MGMT: variants seen among roughly 807,000 people sequenced by gnomAD.
MGMT encodes the protein methylated-DNA--protein-cysteine methyltransferase.
A neutral mutation model predicts 15.9 loss-of-function variants in MGMT; 14 were observed. The observed-to-expected ratio is 0.88, with a 90% CI of 0.58 to 1.37. MGMT has a LOEUF of 1.37. Ranked by LOEUF, MGMT falls within the 40% of genes most tolerant of loss-of-function variation. MGMT has a pLI of 0.00. For missense variants in MGMT, 282 were observed against 268.1 expected, an observed-to-expected ratio of 1.05 and a Z score of -0.36; for synonymous variants, 130 against 118.2, an observed-to-expected ratio of 1.10 and a Z score of -0.65.
chr10:129,653,743 G>A (rs1847490819), intron 2 of MGMT, among the ~76,000 whole-genome samples: 1 of 152,224 alleles, frequency 6.6e-6, no homozygotes, highest in African/African-American at 2.4e-5. Flanking sequence ...GAAGCACAGC[G>A]TGGTGGCCGT....
intron 2 of MGMT, among the ~76,000 whole-genome samples, chr10:129,609,941 G>A (rs527462208): frequency 1.7e-4 from 26 of 152,168 alleles, no homozygotes; most frequent in East Asian, 9.7e-4. Context: ...CAGAAGCATC[G>A]AGATGCCCAG....
At chr10:129,620,157 A>G (rs1031221749) in intron 2 of MGMT, among the ~76,000 whole-genome samples, 2 of 152,244 alleles carry the variant, frequency 1.3e-5, no homozygotes, top group South Asian at 2.1e-4. Flanking sequence ...TAAGTATTCA[A>G]AACTAGACAT....
chr10:129,749,443 G>C lies in MGMT; in HGVS notation c.275-9759G>C, dbSNP rs146419362. On this transcript the variant is annotated intron_variant, in intron 3 of 4. Transcript: ENST00000651593. ...TAGCAATATACATTTAGTTTTCTCC[G>C]TGTCTTCTGCATAGCTCATTTTTTT... Among the ~76,000 whole-genome samples, 14 of 152,138 alleles carry C rather than the reference G, an allele frequency of 9.2e-5. No individual in the cohort carries two copies. The South Asian group carries it at 2.9e-3, about 32-fold the overall frequency.
intron 2 of MGMT, among the ~76,000 whole-genome samples, chr10:129,669,055 G>T (rs1442851056): frequency 6.6e-6 from 1 of 152,120 alleles, no homozygotes; most frequent in Non-Finnish European, 1.5e-5. Context: ...TTTATTAATT[G>T]GCAGTGCTTC....
At chr10:129,690,465 G>A (rs1230017056) in intron 2 of MGMT, among the ~76,000 whole-genome samples, 3 of 152,200 alleles carry the variant, frequency 2.0e-5, no homozygotes, top group Admixed American at 2.0e-4. Flanking sequence ...ATTGCTGTGA[G>A]TAATATAGAG....
chr10:129,642,575 T>C (rs889804130), intron 2 of MGMT, among the ~76,000 whole-genome samples: 29 of 152,226 alleles, frequency 1.9e-4, no homozygotes, highest in Non-Finnish European at 3.8e-4. Flanking sequence ...TGAGTCAACA[T>C]GTCTGGCCTC....
intron 2 of MGMT, among the ~76,000 whole-genome samples, chr10:129,630,852 G>A (rs932006285): frequency 6.6e-6 from 1 of 152,214 alleles, no homozygotes; most frequent in Admixed American, 6.5e-5. Context: ...GAAAAACATG[G>A]CCAGGCTGCT....
At chr10:129,514,298 GTAA>G (rs1845714854) in intron 1 of MGMT, among the ~76,000 whole-genome samples, 3 of 152,110 alleles carry the variant, frequency 2.0e-5, no homozygotes, top group African/African-American at 4.8e-5. Flanking sequence ...ATATAATTTT[GTAA>G]TAATTCCTAT....
At chr10:129,562,405 G>A (rs117613324) in intron 2 of MGMT, among the ~76,000 whole-genome samples, 27 of 152,318 alleles carry the variant, frequency 1.8e-4, no homozygotes, top group Non-Finnish European at 3.4e-4. Flanking sequence ...TGGCCTCGTG[G>A]TACAAAAACA....
At chr10:129,695,137 C>A (rs530312772) in intron 2 of MGMT, among the ~76,000 whole-genome samples, 7 of 152,060 alleles carry the variant, frequency 4.6e-5, no homozygotes, top group African/African-American at 1.4e-4. Context: ...ATTTTTTTGG[C>A]CACTGATGGA....
intron 2 of MGMT, among the ~76,000 whole-genome samples, chr10:129,626,473 G>T (rs1312953757): frequency 1.3e-5 from 2 of 152,194 alleles, no homozygotes; most frequent in Non-Finnish European, 2.9e-5. Flanking sequence ...CTGGAGGGAG[G>T]CCTGATGCCC....
Position 129,548,748 on chromosome 10 carries a change from G to T in MGMT, c.125+12371G>T, listed in dbSNP as rs535732823. ...AGTCCCACCTGCAGCTTTCGGGGGG[G>T]TGCTGGGGAGGCAGATTTGACATGA... On this transcript the variant is annotated intron_variant, in intron 2 of 4. Transcript: ENST00000651593. Among the ~76,000 whole-genome samples the T allele has an allele frequency of 9.8e-5, 15 of 152,298 alleles. No homozygotes were observed. The South Asian group carries it at 3.1e-3, about 32-fold the overall frequency.
At chr10:129,704,180 T>C (rs1417307362) in intron 2 of MGMT, among the ~76,000 whole-genome samples, 1 of 151,960 alleles carries the variant, frequency 6.6e-6, no homozygotes, top group Non-Finnish European at 1.5e-5. Context: ...TGAAATTGAA[T>C]AATATTTAAG....
At chr10:129,588,296 C>T (rs1325211997) in intron 2 of MGMT, among the ~76,000 whole-genome samples, 1 of 152,148 alleles carries the variant, frequency 6.6e-6, no homozygotes, top group Non-Finnish European at 1.5e-5. Flanking sequence ...GGACTGAGTC[C>T]ACCCGTGCCT....
chr10:129,745,044 G>T (rs916527172), intron 3 of MGMT, among the ~76,000 whole-genome samples: 2 of 152,106 alleles, frequency 1.3e-5, no homozygotes, highest in Non-Finnish European at 2.9e-5. Flanking sequence ...GGAGCCCTCC[G>T]TGGTGACAGC....
At chr10:129,564,674 T>C in intron 2 of MGMT, among the ~76,000 whole-genome samples, 1 of 104,598 alleles carries the variant, frequency 9.6e-6, no homozygotes, top group Non-Finnish European at 1.9e-5. Flanking sequence ...CTCCCCCTCC[T>C]CTCCTTCCTC....
chr10:129,636,202 G>C (rs750197608), intron 2 of MGMT, among the ~76,000 whole-genome samples: 1 of 152,138 alleles, frequency 6.6e-6, no homozygotes, highest in Non-Finnish European at 1.5e-5. Flanking sequence ...AAAGTGCCTC[G>C]TATTTTCTCA....
At chr10:129,668,934 C>A (rs547925530) in intron 2 of MGMT, among the ~76,000 whole-genome samples, 2 of 151,304 alleles carry the variant, frequency 1.3e-5, no homozygotes, top group East Asian at 4.0e-4. Context: ...TTAATCTTTC[C>A]CAATCATGAC....
chr10:129,692,758 A>G (rs965605364), intron 2 of MGMT, among the ~76,000 whole-genome samples: 3 of 152,218 alleles, frequency 2.0e-5, no homozygotes, highest in African/African-American at 7.2e-5. Context: ...CTGAGGGTCA[A>G]ACTGGCCTGT....
Sources: allele counts gnomAD v4.1 joint callset (sites outside exome capture counted in the v4.1 genomes callset), GRCh38; gene constraint gnomAD v4.1.1; transcripts MANE v1.5; gene names NCBI Gene and HGNC (gene_info 2026-07-23, HGNC 2026-07-21).